Variants in ERV3-1 observed in about 807,000 individuals in gnomAD.
The protein encoded by ERV3-1 is endogenous retrovirus group 3 member 1, envelope, also known as endogenous retrovirus group 3 member 1 Env polyprotein.
Under a neutral mutation model 24.6 loss-of-function variants are expected in ERV3-1, and 36 were observed. The observed-to-expected ratio is 1.47, with a 90% CI of 1.12 to 1.94. The LOEUF (loss-of-function observed/expected upper bound fraction) is 1.94, where lower values mean the gene tolerates loss of function less well. Among genes scored for constraint, ERV3-1 ranks in the 30% most tolerant of loss-of-function variants. The pLI, the probability that ERV3-1 is intolerant of heterozygous loss-of-function variation, is 0.00. For missense variants in ERV3-1, 578 were observed against 330.9 expected (o/e 1.75, Z -5.79); for synonymous variants, 211 against 122.6 (o/e 1.72, Z -4.76).
At position 64,992,840 on chromosome 7, in the gene ERV3-1, G is replaced by A. The variant is rs1228626317; in HGVS notation, c.187C>T (p.His63Tyr). The A allele has an allele frequency of 1.3e-6, 1 of 766,424 alleles. No individual in the cohort carries two copies. The highest frequency in any genetic ancestry group is 1.3e-5 in the South Asian group (1 of 74,626). The allele number at this position is 766,424 out of a possible 1,614,324, so 47.5% of individuals were successfully genotyped here. ...CAGACTGAGTAGGTTGTCTGGTTGTGAGTACAAGTTCCTAGGCAGGTCCCA... is the reference window on the plus strand; with the variant it reads ...CAGACTGAGTAGGTTGTCTGGTTGTAAGTACAAGTTCCTAGGCAGGTCCCA... ...CAGTCLGTCT[H>Y]NQTTYSVCDP... The change falls in exon 2 of 2, where the codon CAC becomes TAC. Residue 63 changes from histidine (H) to tyrosine (Y), a missense_variant. Coordinates refer to ENST00000394323, the MANE Select transcript of ERV3-1 (RefSeq NM_001007253.4).
intron 1 of ERV3-1, among the ~76,000 whole-genome samples, chr7:64,998,922 C>A (rs1357447055): frequency 3.3e-5 from 5 of 152,192 alleles, no homozygotes. Flanking sequence ...TTTATTCACA[C>A]ACCTCCCCAC....
chr7:65,006,259 C>T (rs1786646653), intron 1 of ERV3-1: 2 of 523,182 alleles, frequency 3.8e-6, no homozygotes, highest in Non-Finnish European at 6.9e-6. Flanking sequence ...CCTGCACAAT[C>T]GGGGAGAGCT....
intron 1 of ERV3-1, among the ~76,000 whole-genome samples, chr7:65,003,356 C>T (rs1433516316): frequency 1.3e-5 from 2 of 152,184 alleles, no homozygotes; most frequent in African/African-American, 4.8e-5. Flanking sequence ...GTGGCACCTG[C>T]CTGTAATCCC....
At chr7:64,999,863 T>C (rs1295042624) in intron 1 of ERV3-1, among the ~76,000 whole-genome samples, 5 of 152,190 alleles carry the variant, frequency 3.3e-5, no homozygotes, top group Non-Finnish European at 7.3e-5. Context: ...AGCAGGACTT[T>C]GGAGTGAGTC....
At chr7:64,996,170 C>T (rs908905756) in intron 1 of ERV3-1, among the ~76,000 whole-genome samples, 3 of 152,118 alleles carry the variant, frequency 2.0e-5, no homozygotes, top group African/African-American at 4.8e-5. Flanking sequence ...AGCCCTGCAC[C>T]GGTATATACT....
chr7:65,006,626 C>G lies in ERV3-1; in HGVS notation c.-474G>C. 1 of 1,547,340 alleles carries G rather than the reference C, an allele frequency of 6.5e-7. No individual in the cohort carries two copies. The highest frequency in any genetic ancestry group is 1.7e-5 in the Admixed American group (1 of 59,652). On this transcript the variant is annotated 5_prime_UTR_variant, in exon 1 of 2. Transcript: ENST00000394323. ...TAACGAGGCCACAGAAGCTGGGCCTCTAGGAGCAGAAGACACAGAGCAGTG... is the reference window on the plus strand; with the variant it reads ...TAACGAGGCCACAGAAGCTGGGCCTGTAGGAGCAGAAGACACAGAGCAGTG...
rs1786257750 is a variant in ERV3-1, at chr7:64,991,263, A to T, written c.1764T>A (p.Thr588=). The T allele has an allele frequency of 1.3e-6, 1 of 744,568 alleles. No homozygotes were observed. The highest frequency in any genetic ancestry group is 2.3e-4 in the Middle Eastern group (1 of 4,410). 46.1% of individuals were successfully genotyped at this position (744,568 alleles called of 1,614,324 possible). A position where few individuals can be genotyped will look rare whatever the true frequency, so the allele number is the denominator to read the frequency against. ...TGTGAGCTAACTTTTGGATTTTAGC[A>T]GTTATTTCTTTGATGACCTTTCCTT... ...DDEGKVIKEI[T]AKIQKLAHIP... Residue 588 remains threonine, a synonymous_variant, in exon 2 of 2, where the codon ACT becomes ACA. Transcript: ENST00000394323.
intron 1 of ERV3-1, among the ~76,000 whole-genome samples, chr7:64,997,273 G>A (rs1786423950): frequency 2.0e-5 from 3 of 152,134 alleles, no homozygotes. Flanking sequence ...CACCTTGGTG[G>A]CCACTTCTAA....
At chr7:64,997,799 T>A (rs1394716983) in intron 1 of ERV3-1, among the ~76,000 whole-genome samples, 2 of 152,174 alleles carry the variant, frequency 1.3e-5, no homozygotes, top group Non-Finnish European at 2.9e-5. Flanking sequence ...GCATCAGATC[T>A]GTGAGGGCTT....
chr7:64,997,367 C>T (rs996305776), intron 1 of ERV3-1, among the ~76,000 whole-genome samples: 2 of 152,230 alleles, frequency 1.3e-5, no homozygotes, highest in East Asian at 1.9e-4. Flanking sequence ...CCTACAAACT[C>T]TGCGTTCACC....
At chr7:65,003,662 G>A (rs974189487) in intron 1 of ERV3-1, 6 of 151,926 alleles carry the variant, frequency 3.9e-5, no homozygotes, top group Admixed American at 1.3e-4. Context: ...GAAATTTTAC[G>A]GTACTTACAT....
At chr7:64,995,088 T>C (rs565910047) in intron 1 of ERV3-1, among the ~76,000 whole-genome samples, 54 of 152,376 alleles carry the variant, frequency 3.5e-4, no homozygotes, top group African/African-American at 3.1e-4. Context: ...TTTCTAAAGT[T>C]ATGCGTGGAT....
rs1786261130 is a variant in ERV3-1 at position 64,991,391 on chromosome 7, C to T, written c.1636G>A (p.Val546Ile). 1.4e-6 allele frequency: 1 copy of T among 704,022 alleles called. No individual in the cohort carries two copies. Among genetic ancestry groups the T allele is most frequent in the Non-Finnish European group, 2.6e-6 (1 of 384,934 alleles). 43.6% of individuals were successfully genotyped at this position (704,022 alleles called of 1,614,324 possible). Residue 546 changes from valine (V) to isoleucine (I), a missense_variant, in exon 2 of 2, where the codon GTC becomes ATC. Coordinates refer to ENST00000394323, the MANE Select transcript of ERV3-1 (RefSeq NM_001007253.4). ...AAGGCCAGTCTATTTTGATAAATGA[C>T]ATTTCTCATTTTTGTGGCTTGCTGG... ...LAQQATKMRN[V>I]IYQNRLALDY...
At chr7:64,999,077 T>G (rs1476177334) in intron 1 of ERV3-1, among the ~76,000 whole-genome samples, 2 of 152,170 alleles carry the variant, frequency 1.3e-5, no homozygotes, top group Admixed American at 1.3e-4. Context: ...CAGGCTCCCC[T>G]TCCATCCTTA....
intron 1 of ERV3-1, among the ~76,000 whole-genome samples, chr7:64,997,747 T>C (rs1421375820): frequency 6.6e-6 from 1 of 152,202 alleles, no homozygotes; most frequent in Non-Finnish European, 1.5e-5. Context: ...AGGAGCTGTT[T>C]GCAATCTGGC....
intron 1 of ERV3-1, among the ~76,000 whole-genome samples, chr7:64,996,893 G>A (rs538341077): frequency 2.6e-5 from 4 of 152,340 alleles, no homozygotes; most frequent in African/African-American, 9.6e-5. Context: ...TAAAGAGAAG[G>A]AGCCCAGTCT....
intron 1 of ERV3-1, among the ~76,000 whole-genome samples, chr7:64,993,834 T>A (rs1191327331): frequency 2.6e-5 from 4 of 152,188 alleles, no homozygotes; most frequent in Non-Finnish European, 5.9e-5. Flanking sequence ...GTTCATGCAC[T>A]CTACTTTTCC....
At chr7:64,995,613 C>A (rs964113397) in intron 1 of ERV3-1, among the ~76,000 whole-genome samples, 1 of 152,168 alleles carries the variant, frequency 6.6e-6, no homozygotes, top group African/African-American at 2.4e-5. Flanking sequence ...TATTTGGCGC[C>A]AGGTGGTTGG....
At chr7:64,996,087 A>G (rs1432471897) in intron 1 of ERV3-1, among the ~76,000 whole-genome samples, 1 of 152,204 alleles carries the variant, frequency 6.6e-6, no homozygotes, top group Non-Finnish European at 1.5e-5. Flanking sequence ...ACTTGCTAGA[A>G]TAAGTCCCAT....
Sources: gnomAD v4.1 joint callset for allele counts (sites outside exome capture counted in the v4.1 genomes callset) on GRCh38, gnomAD v4.1.1 for gene constraint, MANE v1.5 for transcripts, NCBI Gene and HGNC (gene_info 2026-07-23, HGNC 2026-07-21) for gene names.